KIAA0319L: variants seen among roughly 807,000 people sequenced by gnomAD.
The protein encoded by KIAA0319L is dyslexia-associated protein KIAA0319-like protein.
KIAA0319L carries 55 observed loss-of-function variants against 120.1 expected under a neutral mutation model. The observed-to-expected ratio is 0.46, with a 90% confidence interval of 0.37 to 0.57. The LOEUF (loss-of-function observed/expected upper bound fraction) is 0.57. Among genes scored for constraint, KIAA0319L ranks in the 20% least tolerant of loss-of-function variants. The pLI is 0.00. For synonymous variants in KIAA0319L, 398 were observed against 471.9 expected, an observed-to-expected ratio of 0.84 and a Z score of 2.03; for missense variants, 1,049 against 1,255.3, an observed-to-expected ratio of 0.84 and a Z score of 2.48.
intron 3 of KIAA0319L, among the ~76,000 whole-genome samples, chr1:35,493,783 T>C (rs1644690539): frequency 6.6e-6 from 1 of 151,926 alleles, no homozygotes; most frequent in South Asian, 2.1e-4. Context: ...AGGTCATGGC[T>C]GCAGAGAGCC....
chr1:35,458,378 C>G (rs1049771914), intron 9 of KIAA0319L, among the ~76,000 whole-genome samples: 5 of 152,196 alleles, frequency 3.3e-5, no homozygotes, highest in Non-Finnish European at 7.3e-5. Flanking sequence ...TGAAACCAAA[C>G]AGCAGCTGAC....
At chr1:35,460,761 C>T (rs1267662160) in intron 8 of KIAA0319L, among the ~76,000 whole-genome samples, 2 of 152,152 alleles carry the variant, frequency 1.3e-5, no homozygotes, top group Non-Finnish European at 2.9e-5. Flanking sequence ...AATTAATTTA[C>T]ACTTGAGATA....
At chr1:35,503,006 C>T (rs1034363685) in intron 3 of KIAA0319L, among the ~76,000 whole-genome samples, 1 of 152,164 alleles carries the variant, frequency 6.6e-6, no homozygotes, top group Admixed American at 6.5e-5. Flanking sequence ...TCTCCATCTT[C>T]AAGGCTACCC....
At chr1:35,447,315 C>T (rs1641699954) in intron 16 of KIAA0319L, among the ~76,000 whole-genome samples, 1 of 150,646 alleles carries the variant, frequency 6.6e-6, no homozygotes, top group Non-Finnish European at 1.5e-5. Context: ...ACACATAAAA[C>T]AAACCAACTT....
intron 12 of KIAA0319L, among the ~76,000 whole-genome samples, chr1:35,452,856 AAC>A (rs1326079938): frequency 2.0e-5 from 3 of 150,128 alleles, no homozygotes; most frequent in Non-Finnish European, 3.0e-5. Context: ...CAAACAAACA[AAC>A]ACAATACAAA....
At chr1:35,490,052 C>T (rs1439351516) in intron 3 of KIAA0319L, among the ~76,000 whole-genome samples, 1 of 152,108 alleles carries the variant, frequency 6.6e-6, no homozygotes, top group East Asian at 1.9e-4. Flanking sequence ...CCTCGACCTC[C>T]CAGGCTGAAG....
At chr1:35,481,814 CTTTTTTTTTTTTT>C (rs747721221) in intron 3 of KIAA0319L, among the ~76,000 whole-genome samples, 8 of 48,968 alleles carry the variant, frequency 1.6e-4, no homozygotes, top group East Asian at 5.4e-4. Flanking sequence ...TCTGCTGTTT[CTTTTTTTTTTTTT>C]TTTTTTTTTT....
At chr1:35,485,765 A>T (rs1003342268) in intron 3 of KIAA0319L, among the ~76,000 whole-genome samples, 12 of 151,676 alleles carry the variant, frequency 7.9e-5, no homozygotes, top group Admixed American at 2.0e-4. Flanking sequence ...CATTAAGTCT[A>T]CCCCCTCTGG....
chr1:35,545,967 G>A (rs772757576), intron 2 of KIAA0319L, among the ~76,000 whole-genome samples: 5 of 152,066 alleles, frequency 3.3e-5, no homozygotes, highest in Non-Finnish European at 7.4e-5. Flanking sequence ...ATGGTTATAG[G>A]GAATAAAGGA....
Position 35,544,792 on chromosome 1 carries a change from G to A in KIAA0319L, c.142+9558C>T, listed in dbSNP as rs562550836. On this transcript the variant is annotated intron_variant, in intron 2 of 20. Transcript: ENST00000325722. ...TGGAGTAGCTGATATCAGACTCACC[G>A]TCCTGCCGTAAACAACTACAAAACT... Among the ~76,000 whole-genome samples, 54 of 152,226 alleles carry A rather than the reference G, an allele frequency of 3.5e-4. No individual in the cohort carries two copies. In the South Asian group the frequency reaches 6.4e-3, roughly 18 times the overall value.
At chr1:35,542,223 G>T (rs1646821114) in intron 2 of KIAA0319L, among the ~76,000 whole-genome samples, 3 of 152,146 alleles carry the variant, frequency 2.0e-5, no homozygotes, top group Admixed American at 2.0e-4. Flanking sequence ...CCCTTTGCAT[G>T]AATATTTTAT....
intron 3 of KIAA0319L, among the ~76,000 whole-genome samples, chr1:35,504,997 C>T (rs1645156757): frequency 6.6e-6 from 1 of 152,060 alleles, no homozygotes; most frequent in African/African-American, 2.4e-5. Context: ...ACTCTTTTTC[C>T]CTGTTTCTTT....
chr1:35,534,387 A>G (rs1463451186), intron 2 of KIAA0319L, among the ~76,000 whole-genome samples: 1 of 152,226 alleles, frequency 6.6e-6, no homozygotes, highest in Non-Finnish European at 1.5e-5. Context: ...ATCAGCTACT[A>G]TTCACACTAA....
At chr1:35,523,013 A>AT (rs1249028790) in intron 2 of KIAA0319L, among the ~76,000 whole-genome samples, 5 of 133,980 alleles carry the variant, frequency 3.7e-5, no homozygotes, top group East Asian at 2.1e-4. Flanking sequence ...GAAACTCCAC[A>AT]TAAAAAAAAA....
At chr1:35,522,155 T>C (rs1013487148) in intron 2 of KIAA0319L, among the ~76,000 whole-genome samples, 1 of 152,132 alleles carries the variant, frequency 6.6e-6, no homozygotes, top group African/African-American at 2.4e-5. Flanking sequence ...AGAAAATATA[T>C]ATATATGCAC....
intron 18 of KIAA0319L, 72 bp downstream of exon 18, chr1:35,442,834 A>G: frequency 6.3e-7 from 1 of 1,590,888 alleles, no homozygotes; most frequent in Non-Finnish European, 8.6e-7. Flanking sequence ...AGAAACACCA[A>G]CACCCACCCA....
chr1:35,530,178 G>C (rs998236806), intron 2 of KIAA0319L, among the ~76,000 whole-genome samples: 5 of 151,766 alleles, frequency 3.3e-5, no homozygotes, highest in African/African-American at 1.2e-4. Flanking sequence ...TGCGACTACA[G>C]GCATGCACCA....
At chr1:35,520,585 G>A (rs1431514019) in intron 2 of KIAA0319L, among the ~76,000 whole-genome samples, 2 of 152,010 alleles carry the variant, frequency 1.3e-5, no homozygotes, top group African/African-American at 4.8e-5. Flanking sequence ...TTTTTTTGTA[G>A]AGATGAGGTC....
At chr1:35,535,941 A>G (rs1384016402) in intron 2 of KIAA0319L, among the ~76,000 whole-genome samples, 1 of 152,194 alleles carries the variant, frequency 6.6e-6, no homozygotes, top group East Asian at 1.9e-4. Context: ...TGTTAATTTT[A>G]AAAGTTCACC....
Sources: gnomAD v4.1 joint callset for allele counts (sites outside exome capture counted in the v4.1 genomes callset) on GRCh38, gnomAD v4.1.1 for gene constraint, MANE v1.5 for transcripts, NCBI Gene and HGNC (gene_info 2026-07-23, HGNC 2026-07-21) for gene names.